Variants in MED13 observed in about 807,000 individuals in gnomAD.
The protein encoded by MED13 is mediator complex subunit 13.
Under a neutral mutation model 225.2 loss-of-function variants are expected in MED13, and 23 were observed. The observed-to-expected ratio is 0.10, with a 90% CI of 0.07 to 0.14. MED13 has a LOEUF of 0.14. MED13 is among the 10% of genes least tolerant of loss of function. MED13 has a pLI of 1.00. For missense variants in MED13, 2,197 were observed against 2,594.5 expected (o/e 0.85, Z 3.33); for synonymous variants, 942 against 889.2 (o/e 1.06, Z -1.06).
At chr17:61,990,627 G>GTGTA (rs906431943) in intron 11 of MED13, among the ~76,000 whole-genome samples, 77 of 139,004 alleles carry the variant, frequency 5.5e-4, no homozygotes, top group African/African-American at 8.5e-4. Flanking sequence ...GGCGCACTGT[G>GTGTA]TATATATATA....
rs796484913 is a variant in MED13 at position 61,950,717 on chromosome 17, T to C, written c.6291+108A>G. 2.2e-5 allele frequency: 25 copies of C among 1,142,732 alleles called. No homozygotes were observed. In the African/African-American group the frequency reaches 3.8e-4, roughly 17 times the overall value. 70.8% of individuals were successfully genotyped at this position (1,142,732 alleles called of 1,614,324 possible). On this transcript the variant is annotated intron_variant, in intron 28 of 29. Transcript: ENST00000397786. ...TTAAAGAGTCACATATGGCAGTGCA[T>C]TTAAGAACTTAGACAAGCTATAAGA...
At chr17:61,976,475 T>G (rs916195936) in intron 16 of MED13, among the ~76,000 whole-genome samples, 1 of 152,228 alleles carries the variant, frequency 6.6e-6, no homozygotes. Context: ...TAAAACCCAC[T>G]GTGTTGATGA....
Position 62,065,252 on chromosome 17 carries a change from A to G in MED13, c.-47T>C, listed in dbSNP as rs1438216334. ...CCGGCGCCACAACCCACCATCCGCC[A>G]TTACCGCCGCCTCCGACCAGAGAGA... On this transcript the variant is annotated 5_prime_UTR_variant, in exon 1 of 30. The change abolishes an upstream ATG in the 5' untranslated region. Transcript: ENST00000397786. 7.9e-7 allele frequency: 1 copy of G among 1,271,088 alleles called. No individual in the cohort carries two copies. The highest frequency in any genetic ancestry group is 1.1e-6 in the Non-Finnish European group (1 of 952,026). 78.7% of individuals were successfully genotyped at this position (1,271,088 alleles called of 1,614,324 possible).
At chr17:61,994,685 G>T (rs954116524) in intron 10 of MED13, among the ~76,000 whole-genome samples, 8 of 152,134 alleles carry the variant, frequency 5.3e-5, no homozygotes, top group Non-Finnish European at 7.4e-5. Flanking sequence ...CCATGTGCTT[G>T]ATTTACCCAT....
intron 16 of MED13, among the ~76,000 whole-genome samples, chr17:61,978,400 C>A (rs539187345): frequency 6.6e-6 from 1 of 152,002 alleles, no homozygotes; most frequent in African/African-American, 2.4e-5. Context: ...TATAGGCATG[C>A]GCCACCATGC....
chr17:62,029,761 C>A, intron 7 of MED13, 90 bp downstream of exon 7: 1 of 1,511,356 alleles, frequency 6.6e-7, no homozygotes, highest in South Asian at 1.3e-5. Context: ...AAAGAAAAAT[C>A]AAACAAATGA....
intron 11 of MED13, among the ~76,000 whole-genome samples, chr17:61,990,656 CT>C (rs2080289963): frequency 7.3e-6 from 1 of 136,362 alleles, no homozygotes; most frequent in Non-Finnish European, 1.5e-5. Context: ...TATATACACA[CT>C]CCCCCCCAAA....
intron 1 of MED13, 47 bp from the exon 2 acceptor site, chr17:62,063,348 A>T: frequency 8.1e-7 from 1 of 1,230,412 alleles, no homozygotes; most frequent in African/African-American, 1.5e-5. Context: ...ATTCACTCAA[A>T]GTCAAAAGTA....
intron 17 of MED13, among the ~76,000 whole-genome samples, chr17:61,969,279 G>C (rs75594946): frequency 6.6e-5 from 10 of 151,954 alleles, no homozygotes; most frequent in Non-Finnish European, 1.3e-4. Flanking sequence ...TTGAACCCAG[G>C]GGGTGGAGGT....
chr17:61,955,016 T>C (rs2079929990), intron 26 of MED13, among the ~76,000 whole-genome samples: 1 of 152,150 alleles, frequency 6.6e-6, no homozygotes, highest in South Asian at 2.1e-4. Flanking sequence ...GATAATCTGT[T>C]TCCTTGTCTT....
intron 2 of MED13, among the ~76,000 whole-genome samples, chr17:62,058,520 C>CAAAAAAAAAAAAAAAAAAAAAA (rs751957495): frequency 7.5e-5 from 4 of 53,450 alleles, no homozygotes; most frequent in African/African-American, 2.3e-4. Context: ...GACTTCATCT[C>CAAAAAAAAAAAAAAAAAAAAAA]AAAAAAAAAA....
intron 3 of MED13, among the ~76,000 whole-genome samples, chr17:62,047,056 G>C (rs1011077240): frequency 6.6e-6 from 1 of 150,754 alleles, no homozygotes; most frequent in South Asian, 2.1e-4. Context: ...TTAAAGAGAC[G>C]GGGGTCTGCA....
At chr17:61,992,779 C>CTT (rs11375627) in intron 10 of MED13, among the ~76,000 whole-genome samples, 158 bp from the exon 11 acceptor site, 11 of 151,570 alleles carry the variant, frequency 7.3e-5, no homozygotes, top group South Asian at 4.2e-4. Context: ...CTTATTATTA[C>CTT]TTTTTTTTGA....
intron 8 of MED13, among the ~76,000 whole-genome samples, chr17:62,014,216 T>C (rs1034622998): frequency 1.3e-5 from 2 of 151,806 alleles, no homozygotes; most frequent in African/African-American, 4.9e-5. Context: ...GCCAAAAATA[T>C]TGAAGTTGAG....
rs1277283407 is a variant in MED13 at position 62,010,640 on chromosome 17, A to G, written c.1877T>C (p.Val626Ala). Reference sequence around the variant, plus strand: ...TGGAAGTTGAGGTGGTAAAAACTCTACATCTTTTTTCTTTGGGAACTTGTA... The same window carrying G: ...TGGAAGTTGAGGTGGTAAAAACTCTGCATCTTTTTTCTTTGGGAACTTGTA... ...KYYKFPKKKD[V>A]EFLPPQLPSD... The change falls in exon 9 of 30, where the codon GTA (valine) becomes GCA (alanine). Residue 626 changes from valine (V) to alanine (A), a missense_variant. By Grantham distance (64) the Val-to-Ala change is moderately conservative. Coordinates refer to ENST00000397786, the MANE Select transcript of MED13 (RefSeq NM_005121.3). 6.7e-7 allele frequency: 1 copy of G among 1,498,964 alleles called. No individual in the cohort carries two copies. Among genetic ancestry groups the G allele is most frequent in the South Asian group, 1.4e-5 (1 of 70,198 alleles). The allele number at this position is 1,498,964 out of a possible 1,614,324, so 92.9% of individuals were successfully genotyped here.
At chr17:61,978,460 C>A (rs1309671305) in intron 16 of MED13, among the ~76,000 whole-genome samples, 1 of 152,164 alleles carries the variant, frequency 6.6e-6, no homozygotes, top group Admixed American at 6.5e-5. Flanking sequence ...CTAGGTTGGT[C>A]AGGCTGGTCT....
chr17:62,037,213 ACTGCATTACAGCATGGG>A (rs1228413862), intron 3 of MED13, among the ~76,000 whole-genome samples: 2 of 152,112 alleles, frequency 1.3e-5, no homozygotes, highest in African/African-American at 2.4e-5. Flanking sequence ...AGATCACACC[ACTGCATTACAGCATGGG>A]CGACAGAGTA....
chr17:61,967,533 C>G (rs1322743620), intron 18 of MED13, among the ~76,000 whole-genome samples: 1 of 152,102 alleles, frequency 6.6e-6, no homozygotes, highest in Non-Finnish European at 1.5e-5. Flanking sequence ...TGTCCCATAA[C>G]ACTTATAATT....
At chr17:61,969,473 T>C (rs1388768390) in intron 17 of MED13, among the ~76,000 whole-genome samples, 1 of 152,120 alleles carries the variant, frequency 6.6e-6, no homozygotes, top group East Asian at 1.9e-4. Flanking sequence ...CCCAGGAGTT[T>C]GAGGCCTAGG....
Sources: allele counts gnomAD v4.1 joint callset (sites outside exome capture counted in the v4.1 genomes callset), GRCh38; gene constraint gnomAD v4.1.1; transcripts MANE v1.5; gene names NCBI Gene and HGNC (gene_info 2026-07-23, HGNC 2026-07-21).